Variants in ABCD3 observed in about 807,000 individuals in gnomAD.
ABCD3 encodes the protein ATP binding cassette subfamily D member 3.
A neutral mutation model predicts 105.5 loss-of-function variants in ABCD3; 41 were observed. The ratio of observed to expected loss-of-function variants is 0.39; its 90% CI spans 0.30 to 0.50. The LOEUF (loss-of-function observed/expected upper bound fraction) is 0.50. Ranked by LOEUF, ABCD3 falls within the 20% of genes least tolerant of loss-of-function variation. ABCD3 has a pLI of 0.84. For synonymous variants in ABCD3, 258 were observed against 269.0 expected (o/e 0.96, Z 0.40); for missense variants, 622 against 806.3 (o/e 0.77, Z 2.77).
intron 1 of ABCD3, among the ~76,000 whole-genome samples, chr1:94,433,310 A>G (rs1012895912): frequency 1.3e-5 from 2 of 151,992 alleles, no homozygotes; most frequent in African/African-American, 4.8e-5. Context: ...ATGTGCCACC[A>G]TGAGCAGCTA....
At chr1:94,388,453 A>T in the ABCD3 span, among the ~76,000 whole-genome samples, 2 of 152,224 alleles carry the variant, frequency 1.3e-5, no homozygotes, top group African/African-American at 4.8e-5. Context: ...AGTTGTGGAC[A>T]ACATGCTACA....
chr1:94,402,881 C>A, the ABCD3 span, among the ~76,000 whole-genome samples: 1 of 151,544 alleles, frequency 6.6e-6, no homozygotes. Flanking sequence ...TATACGTGTG[C>A]CATGCTGGTG....
rs374833626 is a variant in ABCD3 at position 94,499,613 on chromosome 1, C to T, written c.1739C>T (p.Ala580Val). Residue 580 changes from alanine (A) to valine (V), a missense_variant and splice_region_variant, in exon 20 of 23, where the codon GCG becomes GTG. Ala to Val is a moderately conservative substitution (Grantham distance 64). Coordinates refer to ENST00000370214, the MANE Select transcript of ABCD3 (RefSeq NM_002858.4). Reference sequence around the variant, plus strand: ...AGTGGTGGAGAAAAGCAAAGAATGGCGGTAAGTATACTGTGAAGAAGTTGC... The same window carrying T: ...AGTGGTGGAGAAAAGCAAAGAATGGTGGTAAGTATACTGTGAAGAAGTTGC... ...VLSGGEKQRM[A>V]MARLFYHKPQ... is the part of the protein sequence containing the mutation. 43 of 1,613,220 alleles carry T rather than the reference C, an allele frequency of 2.7e-5. No individual in the cohort carries two copies. Among genetic ancestry groups the T allele is most frequent in the African/African-American group, 1.9e-4 (14 of 74,990 alleles).
In ABCD3 at chr1:94,469,491, GTT is replaced by G. The variant is rs3072753; in HGVS notation, c.335+1501_335+1502del. On this transcript the variant is annotated intron_variant, in intron 4 of 22. Coordinates refer to ENST00000370214, the MANE Select transcript of ABCD3 (RefSeq NM_002858.4). Reference sequence around the variant, plus strand: ...AATTGGCAGTTATTTGTGCACATTAGTTTTTTTTTTTTTTTTTTAAACCTACT... The same window carrying G: ...AATTGGCAGTTATTTGTGCACATTAGTTTTTTTTTTTTTTTTAAACCTACT... 9.9e-3 allele frequency among the ~76,000 whole-genome samples: 1,353 copies of G among 137,214 alleles called. 22 individuals are homozygous for G. Among genetic ancestry groups the G allele is most frequent in the African/African-American group, 0.033 (1,189 of 36,584 alleles). The allele number at this position is 137,214 out of a possible 152,430, so 90.0% of individuals were successfully genotyped here.
intron 1 of ABCD3, 26 bp from the exon 2 acceptor site, chr1:94,458,581 T>C: frequency 6.3e-7 from 1 of 1,593,758 alleles, no homozygotes; most frequent in East Asian, 2.2e-5. Flanking sequence ...AAAGTAAAGC[T>C]CTCTCTCTCT....
chr1:94,447,561 A>G lies in ABCD3; in HGVS notation c.111-11046A>G, dbSNP rs141493177. Among the ~76,000 whole-genome samples the G allele has an allele frequency of 1.6e-4, 24 of 152,384 alleles. No homozygotes were observed. In the East Asian group the frequency reaches 3.9e-3, roughly 24 times the overall value. On this transcript the variant is annotated intron_variant, in intron 1 of 22. Transcript: ENST00000370214. ...GCCACAGGGCATGTTAAACAGTCCA[A>G]TAATTTGCCAGACTTATGTAGAGCA...
the ABCD3 span, among the ~76,000 whole-genome samples, chr1:94,400,871 G>C: frequency 6.6e-6 from 1 of 152,198 alleles, no homozygotes; most frequent in Non-Finnish European, 1.5e-5. Flanking sequence ...TTGAGAAGTA[G>C]AGCCTTTAAA....
chr1:94,408,136 C>A, the ABCD3 span, among the ~76,000 whole-genome samples: 3 of 152,202 alleles, frequency 2.0e-5, no homozygotes, highest in African/African-American at 7.2e-5. Context: ...CAGTACGATA[C>A]AGAGCTGTCA....
At chr1:94,455,594 G>A (rs1647512696) in intron 1 of ABCD3, 2 of 302,692 alleles carry the variant, frequency 6.6e-6, no homozygotes, top group Non-Finnish European at 1.3e-5. Context: ...CAAAGTGCTG[G>A]GATTATAGAT....
At chr1:94,440,476 AG>A (rs1660091944) in intron 1 of ABCD3, among the ~76,000 whole-genome samples, 1 of 152,192 alleles carries the variant, frequency 6.6e-6, no homozygotes, top group Non-Finnish European at 1.5e-5. Context: ...TGAGTCTTCA[AG>A]GGTCCAGGCT....
intron 7 of ABCD3, among the ~76,000 whole-genome samples, chr1:94,477,841 G>T (rs1648837741): frequency 6.6e-6 from 1 of 152,182 alleles, no homozygotes; most frequent in African/African-American, 2.4e-5. Flanking sequence ...AGCAGGAAAA[G>T]CTCCTCACTT....
intron 1 of ABCD3, among the ~76,000 whole-genome samples, chr1:94,420,268 C>A (rs968773986): frequency 1.3e-5 from 2 of 152,184 alleles, no homozygotes; most frequent in African/African-American, 4.8e-5. Flanking sequence ...TGCCCCCATC[C>A]AGTCACAGTC....
At chr1:94,397,264 A>G in the ABCD3 span, among the ~76,000 whole-genome samples, 1 of 152,252 alleles carries the variant, frequency 6.6e-6, no homozygotes, top group Non-Finnish European at 1.5e-5. Flanking sequence ...ACACTGGTAC[A>G]GCACTGCTAA....
At chr1:94,431,014 T>C (rs182255744) in intron 1 of ABCD3, among the ~76,000 whole-genome samples, 43 of 152,326 alleles carry the variant, frequency 2.8e-4, no homozygotes, top group African/African-American at 9.6e-4. Context: ...TTTTAACTTC[T>C]CTGAAATTTG....
intron 16 of ABCD3, among the ~76,000 whole-genome samples, chr1:94,491,713 A>G (rs182978990): frequency 6.6e-6 from 1 of 152,264 alleles, no homozygotes; most frequent in Non-Finnish European, 1.5e-5. Context: ...ACCTAAAACA[A>G]GTAAAATCCC....
chr1:94,510,478 T>C (rs1159108564), intron 21 of ABCD3, among the ~76,000 whole-genome samples: 1 of 152,156 alleles, frequency 6.6e-6, no homozygotes, highest in East Asian at 1.9e-4. Context: ...TGATTTGGGG[T>C]GGAGAGTTCT....
rs1215935226 is a variant in ABCD3, at chr1:94,450,466, C to T, written c.111-8141C>T. On this transcript the variant is annotated intron_variant, in intron 1 of 22. Transcript: ENST00000370214. ...CAAGGAACACCTGGCCCACCCAGGGCGGAAAACCGCTTAAGGCTTTCTTAA... is the reference window on the plus strand; with the variant it reads ...CAAGGAACACCTGGCCCACCCAGGGTGGAAAACCGCTTAAGGCTTTCTTAA... Among the ~76,000 whole-genome samples, 7 of 152,348 alleles carry T rather than the reference C, an allele frequency of 4.6e-5. No homozygotes were observed. In the East Asian group the frequency reaches 5.8e-4, roughly 13 times the overall value.
chr1:94,391,323 A>G, the ABCD3 span, among the ~76,000 whole-genome samples: 1 of 151,708 alleles, frequency 6.6e-6, no homozygotes, highest in Non-Finnish European at 1.5e-5. Context: ...TTTTGCACCA[A>G]CCTAGTAAGA....
chr1:94,437,984 C>A (rs1659966527), intron 1 of ABCD3, among the ~76,000 whole-genome samples: 1 of 152,050 alleles, frequency 6.6e-6, no homozygotes, highest in Non-Finnish European at 1.5e-5. Context: ...TTGCTTCAAT[C>A]TCATAATAAA....
Sources: gnomAD v4.1 joint callset for allele counts (sites outside exome capture counted in the v4.1 genomes callset) on GRCh38, gnomAD v4.1.1 for gene constraint, MANE v1.5 for transcripts, NCBI Gene and HGNC (gene_info 2026-07-23, HGNC 2026-07-21) for gene names.